The following JAKMIP3 variants were observed in gnomAD, a reference collection of about 807,000 sequenced individuals.
JAKMIP3 encodes janus kinase and microtubule-interacting protein 3.
JAKMIP3 carries 58 observed loss-of-function variants against 118.5 expected under a neutral mutation model. That is an observed-to-expected ratio of 0.49 (90% CI 0.40 to 0.61). The LOEUF (loss-of-function observed/expected upper bound fraction) is 0.61. Ranked by LOEUF, JAKMIP3 falls within the 20% of genes least tolerant of loss-of-function variation. The probability of loss-of-function intolerance (pLI) is 0.00; values close to 1 mark genes in which losing one functional copy is unlikely to be tolerated. For missense variants in JAKMIP3, 950 were observed against 1,109.0 expected, an observed-to-expected ratio of 0.86 and a Z score of 2.04; for synonymous variants, 486 against 451.2, an observed-to-expected ratio of 1.08 and a Z score of -0.98.
intron 2 of JAKMIP3, among the ~76,000 whole-genome samples, chr10:132,114,333 T>C (rs1413778339): frequency 1.6e-4 from 24 of 152,244 alleles, no homozygotes; most frequent in Non-Finnish European, 1.5e-5. Flanking sequence ...TCCCACTTCA[T>C]CTTCCCAAGT....
rs1184902862 is a variant in JAKMIP3 at position 132,097,887 on chromosome 10, TCCCTTCCCCTTC to T, written c.-137-6761_-137-6750del. 2.6e-3 allele frequency among the ~76,000 whole-genome samples: 297 copies of T among 113,818 alleles called. 44 individuals are homozygous for T. Among genetic ancestry groups the T allele is most frequent in the Middle Eastern group, 4.1e-3 (1 of 242 alleles). 74.7% of individuals were successfully genotyped at this position (113,818 alleles called of 152,430 possible). A position where few individuals can be genotyped will look rare whatever the true frequency, so the allele number is the denominator to read the frequency against. On this transcript the variant is annotated intron_variant, in intron 1 of 23. Coordinates refer to ENST00000684848, the MANE Select transcript of JAKMIP3 (RefSeq NM_001323087.2). ...CCTTCCTTCCTTCCTTTTATTTTCT[TCCCTTCCCCTTC>T]CCCTTCCCCTTCCCCTTCCCCTTTC...
At chr10:132,124,368 G>T (rs1458606629) in intron 3 of JAKMIP3, among the ~76,000 whole-genome samples, 1 of 150,154 alleles carries the variant, frequency 6.7e-6, no homozygotes, top group Non-Finnish European at 1.5e-5. Flanking sequence ...TCCCACCCCG[G>T]CACATCACAA....
rs1182454893 is a variant in JAKMIP3, at chr10:132,168,959, G to C, written c.*1029G>C. The C allele has an allele frequency of 6.3e-6, 1 of 159,522 alleles. No homozygotes were observed. Among genetic ancestry groups the C allele is most frequent in the African/African-American group, 2.4e-5 (1 of 41,442 alleles). 9.9% of individuals were successfully genotyped at this position (159,522 alleles called of 1,614,324 possible). A position where few individuals can be genotyped will look rare whatever the true frequency, so the allele number is the denominator to read the frequency against. On this transcript the variant is annotated 3_prime_UTR_variant, in exon 23 of 24. Coordinates refer to ENST00000684848, the MANE Select transcript of JAKMIP3 (RefSeq NM_001323087.2). ...GGTGGGGATGGCGGGCGCAAGAAGG[G>C]AACCGCGGGGACGGCCTTTCCCCTC...
intron 1 of JAKMIP3, among the ~76,000 whole-genome samples, chr10:132,078,236 G>T (rs2041148206): frequency 6.6e-6 from 1 of 152,138 alleles, no homozygotes. Flanking sequence ...ATATAGTAAA[G>T]ATGCTTTTTG....
At chr10:132,048,742 T>C (rs1235137749) in intron 1 of JAKMIP3, among the ~76,000 whole-genome samples, 1 of 147,926 alleles carries the variant, frequency 6.8e-6, no homozygotes. Flanking sequence ...GTTCACGCCA[T>C]TCTCCTGGCT....
rs370087466 is a variant in JAKMIP3 at position 132,135,941 on chromosome 10, A to G, written c.981A>G (p.Val327=). ...GCGTTGTCTTTCAGTTGAAGCGCGT[A>G]AGAGAAGCTGAGAGTCAGTACAAGC... The part of the protein sequence containing the change: ...SEERNELLKR[V]REAESQYKPL... The change falls in exon 6 of 24, where the codon GTA becomes GTG. Residue 327 remains valine (V), a synonymous_variant. Transcript: ENST00000684848. The G allele has an allele frequency of 9.3e-6, 15 of 1,612,318 alleles. No individual in the cohort carries two copies. Among genetic ancestry groups the G allele is most frequent in the Middle Eastern group, 1.6e-4 (1 of 6,076 alleles).
At chr10:132,071,417 C>T (rs916576946) in intron 1 of JAKMIP3, among the ~76,000 whole-genome samples, 15 of 152,208 alleles carry the variant, frequency 9.9e-5, no homozygotes, top group African/African-American at 3.6e-4. Flanking sequence ...AAATGCCAGT[C>T]AGATCCACTT....
intron 23 of JAKMIP3, among the ~76,000 whole-genome samples, chr10:132,180,618 T>G (rs1418946697): frequency 4.1e-5 from 1 of 24,210 alleles, no homozygotes; most frequent in Non-Finnish European, 7.3e-5. Context: ...TGTGTGTGCG[T>G]GTGTGTGCGT....
At chr10:132,159,849 G>A (rs1176100627) in intron 19 of JAKMIP3, among the ~76,000 whole-genome samples, 25 of 59,450 alleles carry the variant, frequency 4.2e-4, no homozygotes, top group African/African-American at 1.3e-3. Flanking sequence ...GATGCTGGGG[G>A]GCCTCTCCCT....
At chr10:132,136,626 C>G (rs553609448) in intron 6 of JAKMIP3, among the ~76,000 whole-genome samples, 1 of 152,332 alleles carries the variant, frequency 6.6e-6, no homozygotes, top group African/African-American at 2.4e-5. Context: ...TCTCCTTACC[C>G]CTCTCTATGG....
intron 1 of JAKMIP3, among the ~76,000 whole-genome samples, chr10:132,046,461 GAAA>G (rs55907923): frequency 6.8e-6 from 1 of 147,710 alleles, no homozygotes; most frequent in Non-Finnish European, 1.5e-5. Flanking sequence ...GTCTCAAAAA[GAAA>G]AAAAAAACAA....
intron 16 of JAKMIP3, 26 bp from the exon 17 acceptor site, chr10:132,152,932 C>T (rs1052594052): frequency 2.5e-6 from 4 of 1,581,010 alleles, no homozygotes; most frequent in Middle Eastern, 1.7e-4. Flanking sequence ...CTTCTGACCG[C>T]ACCTGTGTTC....
At chr10:132,047,515 C>T (rs1267151755) in intron 1 of JAKMIP3, among the ~76,000 whole-genome samples, 1 of 152,224 alleles carries the variant, frequency 6.6e-6, no homozygotes. Flanking sequence ...CGTACAGCCA[C>T]AGTGCATTTG....
At chr10:132,102,949 A>G (rs2045226937) in intron 1 of JAKMIP3, among the ~76,000 whole-genome samples, 1 of 145,240 alleles carries the variant, frequency 6.9e-6, no homozygotes, top group African/African-American at 2.6e-5. Context: ...CCAGGAGAGG[A>G]GACGCGGGCA....
At chr10:132,177,660 C>CAT (rs2060285709) in intron 23 of JAKMIP3, among the ~76,000 whole-genome samples, 1 of 144,498 alleles carries the variant, frequency 6.9e-6, no homozygotes, top group South Asian at 2.2e-4. Flanking sequence ...GGGTAGTGTG[C>CAT]GTGTGTGTGT....
intron 1 of JAKMIP3, among the ~76,000 whole-genome samples, chr10:132,078,288 C>T (rs982904606): frequency 6.6e-6 from 1 of 152,042 alleles, no homozygotes; most frequent in Non-Finnish European, 1.5e-5. Context: ...TTTCTAGCCT[C>T]TCAGTTGCAT....
At chr10:132,144,244 G>A (rs959099494) in intron 11 of JAKMIP3, 1 of 152,426 alleles carries the variant, frequency 6.6e-6, no homozygotes, top group East Asian at 1.9e-4. Context: ...CACAAACCAG[G>A]ATGCGGACGG....
chr10:132,062,398 C>T (rs1038330262), upstream of JAKMIP3, among the ~76,000 whole-genome samples: 3 of 152,184 alleles, frequency 2.0e-5, no homozygotes, highest in African/African-American at 7.2e-5. Flanking sequence ...GCCTGAGATG[C>T]AGACAGGGGT....
chr10:132,051,856 C>T (rs2038115072), intron 1 of JAKMIP3, among the ~76,000 whole-genome samples: 1 of 152,260 alleles, frequency 6.6e-6, no homozygotes, highest in Non-Finnish European at 1.5e-5. Flanking sequence ...GATCCACCCA[C>T]CTCAGCCTCC....
Sources: gnomAD v4.1 joint callset for allele counts (sites outside exome capture counted in the v4.1 genomes callset) on GRCh38, gnomAD v4.1.1 for gene constraint, MANE v1.5 for transcripts, NCBI Gene and HGNC (gene_info 2026-07-23, HGNC 2026-07-21) for gene names.